RFC1: variants seen among roughly 807,000 people sequenced by gnomAD.
The protein encoded by RFC1 is A1 140 kDa subunit.
A neutral mutation model predicts 137.4 loss-of-function variants in RFC1; 37 were observed. The ratio of observed to expected loss-of-function variants is 0.27; its 90% confidence interval spans 0.21 to 0.35. RFC1 has a LOEUF of 0.35. Among genes scored for constraint, RFC1 ranks in the 10% least tolerant of loss-of-function variants. RFC1 has a pLI of 1.00. For synonymous variants in RFC1, 429 were observed against 455.7 expected, an observed-to-expected ratio of 0.94 and a Z score of 0.75; for missense variants, 1,205 against 1,358.5, an observed-to-expected ratio of 0.89 and a Z score of 1.78.
chr4:39,338,850 T>C (rs1473713232), intron 4 of RFC1, among the ~76,000 whole-genome samples: 1 of 152,190 alleles, frequency 6.6e-6, no homozygotes, highest in African/African-American at 2.4e-5. Flanking sequence ...TGTTATACAT[T>C]AGATCTCTGG....
chr4:39,365,153 GAAA>G (rs745527928), intron 1 of RFC1, among the ~76,000 whole-genome samples: 59 of 79,872 alleles, frequency 7.4e-4, no homozygotes, highest in Non-Finnish European at 8.7e-4. Flanking sequence ...GGGTTGAAAT[GAAA>G]AAAAAAAAAA....
chr4:39,326,770 T>G, intron 5 of RFC1, 130 bp from the exon 6 acceptor site: 1 of 658,442 alleles, frequency 1.5e-6, no homozygotes, highest in South Asian at 2.0e-5. Context: ...AGCTGCAATG[T>G]ACACCAGCCA....
intron 22 of RFC1, 35 bp downstream of exon 22, chr4:39,295,579 C>A (rs1331414887): frequency 6.5e-7 from 1 of 1,550,088 alleles, no homozygotes; most frequent in South Asian, 1.2e-5. Flanking sequence ...TACACCAAAT[C>A]GATAAAATAC....
At chr4:39,328,884 G>A (rs1222817480) in intron 4 of RFC1, among the ~76,000 whole-genome samples, 1 of 151,980 alleles carries the variant, frequency 6.6e-6, no homozygotes, top group Non-Finnish European at 1.5e-5. Context: ...GACTGTGGTG[G>A]TATTTGCAGA....
chr4:39,303,296 AAG>A, intron 15 of RFC1, 145 bp from the exon 16 acceptor site: 3 of 587,676 alleles, frequency 5.1e-6, no homozygotes, highest in South Asian at 4.4e-5. Context: ...AGTGTTGTTA[AAG>A]AAAAAAAAAA....
chr4:39,324,076 GAAT>G lies in RFC1; in HGVS notation c.643-662_643-660del, dbSNP rs1739647667. ...AGCAAAATGGAGCTCTTCCAAAAGA[GAAT>G]ATATAGCAGTGGAGTATCTTTCTCA... On this transcript the variant is annotated intron_variant, in intron 6 of 24. Transcript: ENST00000349703. Among the ~76,000 whole-genome samples the G allele has an allele frequency of 2.6e-5, 4 of 152,142 alleles. No homozygotes were observed. The South Asian group carries it at 8.3e-4, about 32-fold the overall frequency.
intron 21 of RFC1, among the ~76,000 whole-genome samples, chr4:39,298,253 A>G (rs1738137098): frequency 7.1e-6 from 1 of 141,526 alleles, no homozygotes; most frequent in Admixed American, 8.0e-5. Context: ...GGCTGCAGTG[A>G]GCCATGATCA....
At chr4:39,311,798 C>T (rs17288356) in intron 11 of RFC1, among the ~76,000 whole-genome samples, 233 of 152,348 alleles carry the variant, frequency 1.5e-3, no homozygotes, top group African/African-American at 5.3e-3. Flanking sequence ...TCCATTTCTA[C>T]TTTTGTGGAC....
chr4:39,330,520 T>C (rs1392711973), intron 4 of RFC1, among the ~76,000 whole-genome samples: 2 of 152,142 alleles, frequency 1.3e-5, no homozygotes, highest in Admixed American at 6.5e-5. Context: ...ATCCATTAGA[T>C]GGCTCCACAC....
chr4:39,361,467 GA>G (rs1741754571), intron 1 of RFC1, among the ~76,000 whole-genome samples: 3 of 152,284 alleles, frequency 2.0e-5, no homozygotes, highest in Admixed American at 1.3e-4. Context: ...TAAGCAGTTG[GA>G]GGGCTTTCCC....
intron 1 of RFC1, among the ~76,000 whole-genome samples, chr4:39,363,691 C>A (rs1435642437): frequency 6.6e-6 from 1 of 151,344 alleles, no homozygotes; most frequent in Non-Finnish European, 1.5e-5. Context: ...AGTTCAAGAC[C>A]AGCCTGGCCA....
At chr4:39,355,145 A>G (rs1461123613) in intron 1 of RFC1, among the ~76,000 whole-genome samples, 1 of 141,676 alleles carries the variant, frequency 7.1e-6, no homozygotes, top group Admixed American at 7.2e-5. Flanking sequence ...ACAACAGGCC[A>G]GGTGTGGTGG....
chr4:39,365,395 G>T, intron 1 of RFC1: 1 of 876,910 alleles, frequency 1.1e-6, no homozygotes. Flanking sequence ...GTATCTTCTA[G>T]CTTAATGAAC....
intron 1 of RFC1, among the ~76,000 whole-genome samples, chr4:39,360,219 G>A (rs550011063): frequency 4.0e-5 from 6 of 151,356 alleles, no homozygotes; most frequent in Admixed American, 3.3e-4. Flanking sequence ...TACAAAAATC[G>A]GCCAGGTGCG....
At chr4:39,342,021 G>A (rs920306443) in intron 4 of RFC1, among the ~76,000 whole-genome samples, 2 of 152,014 alleles carry the variant, frequency 1.3e-5, no homozygotes, top group Non-Finnish European at 2.9e-5. Flanking sequence ...TATTGACTTT[G>A]GCCTGCCAGA....
At chr4:39,330,221 C>G (rs970397942) in intron 4 of RFC1, among the ~76,000 whole-genome samples, 1 of 151,976 alleles carries the variant, frequency 6.6e-6, no homozygotes, top group Non-Finnish European at 1.5e-5. Flanking sequence ...ACTGTGTTAT[C>G]CTTAGGTGGC....
chr4:39,317,802 A>G (rs1739316949), intron 9 of RFC1: 1 of 152,096 alleles, frequency 6.6e-6, no homozygotes, highest in South Asian at 2.1e-4. Context: ...TTTTAACATT[A>G]TTTTTAACTT....
In RFC1 at chr4:39,298,307, CAAAAAAAA is replaced by C. The variant is rs55727769; in HGVS notation, c.2808+1706_2808+1713del. Among the ~76,000 whole-genome samples the C allele has an allele frequency of 3.3e-3, 372 of 111,204 alleles. 2 individuals are homozygous for C. Among genetic ancestry groups the C allele is most frequent in the African/African-American group, 9.1e-3 (287 of 31,700 alleles). 73.0% of individuals were successfully genotyped at this position (111,204 alleles called of 152,430 possible). A position where few individuals can be genotyped will look rare whatever the true frequency, so the allele number is the denominator to read the frequency against. On this transcript the variant is annotated intron_variant, in intron 21 of 24. Coordinates refer to ENST00000349703, the MANE Select transcript of RFC1 (RefSeq NM_002913.5). The stretch of plus-strand genomic sequence containing the variant: ...TGCCTGACAGAGTGAGACCTTGTCT[CAAAAAAAA>C]AAAAAAAAAAAAAAAAAATTCTGTA...
intron 4 of RFC1, among the ~76,000 whole-genome samples, chr4:39,329,054 C>A (rs1289378735): frequency 1.6e-5 from 2 of 127,484 alleles, no homozygotes; most frequent in South Asian, 2.6e-4. Flanking sequence ...TTCATGACAA[C>A]GTTTAGATAA....
Sources: allele counts gnomAD v4.1 joint callset (sites outside exome capture counted in the v4.1 genomes callset), GRCh38; gene constraint gnomAD v4.1.1; transcripts MANE v1.5; gene names NCBI Gene and HGNC (gene_info 2026-07-23, HGNC 2026-07-21).